CADPS2: variants seen among roughly 807,000 people sequenced by gnomAD.
The protein encoded by CADPS2 is calcium-dependent secretion activator 2.
CADPS2 carries 93 observed loss-of-function variants against 172.5 expected under a neutral mutation model. The observed-to-expected ratio is 0.54, with a 90% confidence interval of 0.46 to 0.64. The LOEUF (loss-of-function observed/expected upper bound fraction) is 0.64, where lower values mean the gene tolerates loss of function less well. Ranked by LOEUF, CADPS2 falls within the 30% of genes least tolerant of loss-of-function variation. The pLI is 0.00. For missense variants in CADPS2, 1,420 were observed against 1,565.9 expected (o/e 0.91, Z 1.57); for synonymous variants, 546 against 555.2 (o/e 0.98, Z 0.23).
intron 8 of CADPS2, among the ~76,000 whole-genome samples, chr7:122,529,681 T>C (rs865971018): frequency 5.3e-5 from 8 of 152,088 alleles, no homozygotes; most frequent in South Asian, 4.1e-4. Context: ...AACAGCAGAA[T>C]TGAAAAGAAA....
chr7:122,534,665 A>G (rs1043184557), intron 8 of CADPS2, among the ~76,000 whole-genome samples: 1 of 152,096 alleles, frequency 6.6e-6, no homozygotes, highest in South Asian at 2.1e-4. Flanking sequence ...CAGAAGAGAT[A>G]ATTGATTTGA....
At chr7:122,838,179 C>T (rs1281946431) in intron 1 of CADPS2, among the ~76,000 whole-genome samples, 1 of 152,052 alleles carries the variant, frequency 6.6e-6, no homozygotes, top group African/African-American at 2.4e-5. Flanking sequence ...AGACAAAAAC[C>T]ACATGATTAT....
At chr7:122,498,942 A>C (rs1264085325) in intron 9 of CADPS2, among the ~76,000 whole-genome samples, 1 of 152,180 alleles carries the variant, frequency 6.6e-6, no homozygotes, top group African/African-American at 2.4e-5. Context: ...TATCCTACAA[A>C]GCCTAGCTTA....
intron 1 of CADPS2, among the ~76,000 whole-genome samples, chr7:122,760,406 G>C (rs1182810368): frequency 6.6e-6 from 1 of 151,906 alleles, no homozygotes; most frequent in African/African-American, 2.4e-5. Flanking sequence ...CTCACTAAAA[G>C]TAAACATTTT....
chr7:122,817,506 G>T (rs550904427), intron 1 of CADPS2, among the ~76,000 whole-genome samples: 64 of 152,234 alleles, frequency 4.2e-4, no homozygotes, highest in Middle Eastern at 6.8e-3. Flanking sequence ...CACAGACTGG[G>T]AAGGCAGCCT....
intron 16 of CADPS2, among the ~76,000 whole-genome samples, chr7:122,439,574 TGACAACATTTTTTAAAG>T (rs1041823777): frequency 2.0e-5 from 3 of 152,188 alleles, no homozygotes; most frequent in African/African-American, 7.2e-5. Flanking sequence ...CAGTGACCTT[TGACAACATTTTTTAAAG>T]GCTACTCTTT....
At chr7:122,497,536 C>T (rs926551937) in intron 9 of CADPS2, among the ~76,000 whole-genome samples, 3 of 152,216 alleles carry the variant, frequency 2.0e-5, no homozygotes, top group African/African-American at 7.2e-5. Flanking sequence ...CTTCCATTAC[C>T]CATTCCCATC....
At chr7:122,337,565 C>T (rs1240813391) in intron 28 of CADPS2, among the ~76,000 whole-genome samples, 7 of 152,094 alleles carry the variant, frequency 4.6e-5, no homozygotes, top group East Asian at 1.9e-4. Flanking sequence ...CAAATGAGGG[C>T]CTTTGGCCTC....
intron 2 of CADPS2, among the ~76,000 whole-genome samples, chr7:122,708,314 C>A (rs1192394325): frequency 1.3e-5 from 2 of 151,282 alleles, no homozygotes; most frequent in Admixed American, 6.6e-5. Context: ...CAGTAATATT[C>A]CTTATGCAAA....
At chr7:122,607,225 G>GT (rs759214834) in intron 6 of CADPS2, among the ~76,000 whole-genome samples, 5 of 152,132 alleles carry the variant, frequency 3.3e-5, no homozygotes, top group Non-Finnish European at 5.9e-5. Flanking sequence ...TTTGAAATGT[G>GT]TAAGTCTTGG....
intron 1 of CADPS2, among the ~76,000 whole-genome samples, chr7:122,867,139 T>G (rs2141404646): frequency 6.6e-6 from 1 of 152,272 alleles, no homozygotes; most frequent in South Asian, 2.1e-4. Context: ...CTGACCACCC[T>G]ATCTAAAATA....
At chr7:122,431,561 G>A (rs1490072531) in intron 17 of CADPS2, among the ~76,000 whole-genome samples, 2 of 152,204 alleles carry the variant, frequency 1.3e-5, no homozygotes, top group African/African-American at 2.4e-5. Flanking sequence ...TCAAGGGCGG[G>A]GAGTGTAAGA....
intron 28 of CADPS2, among the ~76,000 whole-genome samples, chr7:122,341,380 T>TA (rs952022836): frequency 5.7e-4 from 86 of 150,150 alleles, no homozygotes; most frequent in African/African-American, 1.7e-3. Flanking sequence ...ACATTAAAAC[T>TA]AAAAAAAAAA....
chr7:122,611,240 G>A (rs1380080726), intron 6 of CADPS2, among the ~76,000 whole-genome samples: 1 of 152,024 alleles, frequency 6.6e-6, no homozygotes, highest in Admixed American at 6.6e-5. Flanking sequence ...AGAAAAATAG[G>A]AGAGAGTCCA....
At chr7:122,541,189 T>C (rs2062878971) in intron 8 of CADPS2, among the ~76,000 whole-genome samples, 1 of 151,706 alleles carries the variant, frequency 6.6e-6, no homozygotes, top group East Asian at 1.9e-4. Context: ...TAAACTGGTA[T>C]TATGAGATGA....
chr7:122,720,211 T>C (rs549864417), intron 2 of CADPS2, among the ~76,000 whole-genome samples: 8 of 152,010 alleles, frequency 5.3e-5, no homozygotes, highest in Non-Finnish European at 1.2e-4. Context: ...AGTAAACGTA[T>C]GCCATAATAA....
intron 8 of CADPS2, among the ~76,000 whole-genome samples, chr7:122,546,868 C>T (rs1417190330): frequency 6.6e-6 from 1 of 151,952 alleles, no homozygotes; most frequent in East Asian, 1.9e-4. Context: ...TCATTCTTGT[C>T]AGCTGTTGGG....
chr7:122,615,218 T>C lies in CADPS2; in HGVS notation c.1186A>G (p.Lys396Glu). ...VYCTMEVEGE[K>E]LQTDQAEASR... is the part of the protein sequence containing the mutation. ...GCTTCGGCCTGGTCTGTCTGAAGTT[T>C]TTCTCCTTCCACTTCCATTGTACAG... Residue 396 changes from lysine to glutamate, a missense_variant, in exon 6 of 30, where the codon AAA becomes GAA. By Grantham distance (56) the Lys-to-Glu change is moderately conservative. Transcript: ENST00000449022. The C allele has an allele frequency of 6.4e-7, 1 of 1,558,644 alleles. No homozygotes were observed. Among genetic ancestry groups the C allele is most frequent in the African/African-American group, 1.4e-5 (1 of 73,710 alleles).
In CADPS2 at chr7:122,593,899, G is replaced by A. The variant is rs191313172; in HGVS notation, c.1224-12609C>T. Among the ~76,000 whole-genome samples the A allele has an allele frequency of 5.5e-4, 83 of 152,042 alleles. 1 individual carries two copies. Among genetic ancestry groups the A allele is most frequent in the African/African-American group, 1.8e-3 (73 of 41,514 alleles). On this transcript the variant is annotated intron_variant, in intron 6 of 29. Coordinates refer to ENST00000449022, the MANE Select transcript of CADPS2 (RefSeq NM_017954.11). ...AAGGTCAACTTACAATAGGCAAAGT[G>A]TTACAAACTGAGATTTACTTTTAAT...
Sources: gnomAD v4.1 joint callset for allele counts (sites outside exome capture counted in the v4.1 genomes callset) on GRCh38, gnomAD v4.1.1 for gene constraint, MANE v1.5 for transcripts, NCBI Gene and HGNC (gene_info 2026-07-23, HGNC 2026-07-21) for gene names.